Variants in IRAK1BP1 observed in about 807,000 individuals in gnomAD.
The protein encoded by IRAK1BP1 is interleukin-1 receptor-associated kinase 1-binding protein 1.
In IRAK1BP1, 24 loss-of-function variants were observed where a neutral mutation model predicts 28.0. The observed-to-expected ratio is 0.86, with a 90% CI of 0.62 to 1.20. IRAK1BP1 has a LOEUF of 1.20. Among genes scored for constraint, IRAK1BP1 ranks in the 50% most tolerant of loss-of-function variants. The pLI, the probability that IRAK1BP1 is intolerant of heterozygous loss-of-function variation, is 0.00. For synonymous variants in IRAK1BP1, 131 were observed against 116.3 expected (o/e 1.13, Z -0.81); for missense variants, 336 against 316.7 (o/e 1.06, Z -0.46).
rs967088400 is a variant in IRAK1BP1 at position 78,899,599 on chromosome 6, A to G, written c.*1265A>G. On this transcript the variant is annotated 3_prime_UTR_variant, in exon 4 of 4. Transcript: ENST00000369940. ...TGTTTTTTTATTTTTCTTTTTCGAGATGGAGTCTTTCTCTGTCGCCCAAGC... is the reference window on the plus strand; with the variant it reads ...TGTTTTTTTATTTTTCTTTTTCGAGGTGGAGTCTTTCTCTGTCGCCCAAGC... 2 of 151,972 alleles carry G rather than the reference A, an allele frequency of 1.3e-5. No homozygotes were observed. Among genetic ancestry groups the G allele is most frequent in the African/African-American group, 4.8e-5 (2 of 41,370 alleles). 9.4% of individuals were successfully genotyped at this position (151,972 alleles called of 1,614,324 possible).
chr6:78,933,349 G>T (rs1475719401), intron 4 of IRAK1BP1, among the ~76,000 whole-genome samples: 1 of 152,206 alleles, frequency 6.6e-6, no homozygotes, highest in East Asian at 1.9e-4. Context: ...CGGACGCGAT[G>T]GCTCACGCCT....
chr6:78,939,334 T>C (rs1478256892), intron 4 of IRAK1BP1: 1 of 151,708 alleles, frequency 6.6e-6, no homozygotes, highest in Non-Finnish European at 1.5e-5. Context: ...AGGGTGTATA[T>C]TGACATACCA....
At chr6:78,913,881 A>T (rs923435261) in intron 4 of IRAK1BP1, among the ~76,000 whole-genome samples, 2 of 152,238 alleles carry the variant, frequency 1.3e-5, no homozygotes, top group African/African-American at 4.8e-5. Flanking sequence ...AAGTGAACAG[A>T]TGATATACTG....
intron 1 of IRAK1BP1, among the ~76,000 whole-genome samples, chr6:78,874,569 A>G (rs1316901441): frequency 2.0e-5 from 3 of 152,112 alleles, no homozygotes; most frequent in East Asian, 1.9e-4. Context: ...TTCTCCCCTC[A>G]TTACTCTTCT....
the IRAK1BP1 span, among the ~76,000 whole-genome samples, chr6:78,969,011 T>C: frequency 4.7e-4 from 72 of 152,344 alleles, 1 homozygote; most frequent in Admixed American, 7.8e-4. Flanking sequence ...TCCTGTTTCC[T>C]GAGGGGATTC....
rs931281053 is a variant in IRAK1BP1, at chr6:78,902,836, C to T, written c.*4502C>T. 2 of 577,852 alleles carry T rather than the reference C, an allele frequency of 3.5e-6. No individual in the cohort carries two copies. The highest frequency in any genetic ancestry group is 6.1e-6 in the Non-Finnish European group (2 of 325,204). 35.8% of individuals were successfully genotyped at this position (577,852 alleles called of 1,614,324 possible). A position where few individuals can be genotyped will look rare whatever the true frequency, so the allele number is the denominator to read the frequency against. ...CATACATACATAAAATGCCCAGTAT[C>T]TTACAAGACTGTAGTTCACAGTGGG... On this transcript the variant is annotated 3_prime_UTR_variant, in exon 4 of 4. Transcript: ENST00000369940.
the IRAK1BP1 span, chr6:78,965,755 A>G: frequency 6.5e-7 from 1 of 1,549,368 alleles, no homozygotes; most frequent in South Asian, 1.1e-5. Context: ...CTGTATCTCC[A>G]TTGTCCCAGC....
At chr6:78,871,416 A>G in intron 1 of IRAK1BP1, 1 of 985,472 alleles carries the variant, frequency 1.0e-6, no homozygotes, top group South Asian at 4.7e-5. Context: ...GTGCAACCAA[A>G]AGACAGACAC....
At chr6:78,940,514 A>G (rs1582069934) in intron 4 of IRAK1BP1, 1 of 138,938 alleles carries the variant, frequency 7.2e-6, no homozygotes, top group African/African-American at 3.4e-5. Context: ...ATATATATAT[A>G]TTCATTTAAA....
exon 5 of IRAK1BP1, chr6:78,946,393 A>G: frequency 7.2e-7 from 1 of 1,394,052 alleles, no homozygotes. Context: ...AGTGGATTTC[A>G]TATGATTGTG....
At chr6:78,965,254 C>T in the IRAK1BP1 span, among the ~76,000 whole-genome samples, 3 of 152,012 alleles carry the variant, frequency 2.0e-5, no homozygotes, top group African/African-American at 4.8e-5. Context: ...TTTCTAAGGC[C>T]GAGTACTAAA....
intron 4 of IRAK1BP1, chr6:78,940,159 G>A (rs1773414881): frequency 2.0e-5 from 3 of 152,010 alleles, no homozygotes. Context: ...AAACTGTTTA[G>A]GGTATCAAAT....
chr6:78,964,709 T>A, the IRAK1BP1 span, among the ~76,000 whole-genome samples: 1 of 152,132 alleles, frequency 6.6e-6, no homozygotes, highest in Non-Finnish European at 1.5e-5. Flanking sequence ...GTCAGGCTGC[T>A]CTCCAACACC....
At chr6:78,938,562 C>G (rs1186320158) in intron 4 of IRAK1BP1, 1 of 151,534 alleles carries the variant, frequency 6.6e-6, no homozygotes, top group Non-Finnish European at 1.5e-5. Context: ...TGACAAATTT[C>G]AAACATACAC....
rs187917206 is a variant in IRAK1BP1 at position 78,887,126 on chromosome 6, A to C, written c.381+1683A>C. Among the ~76,000 whole-genome samples, 3 of 152,318 alleles carry C rather than the reference A, an allele frequency of 2.0e-5. No individual in the cohort carries two copies. The East Asian group carries it at 5.8e-4, about 29-fold the overall frequency. The stretch of plus-strand genomic sequence containing the variant: ...ATGTATAACACATACCAGTATTCTT[A>C]AGTACTGTTAAATATATGGAATGAG... On this transcript the variant is annotated intron_variant, in intron 2 of 3. Transcript: ENST00000369940.
At chr6:78,906,529 G>A (rs1772264697), downstream of IRAK1BP1, among the ~76,000 whole-genome samples, 1 of 152,130 alleles carries the variant, frequency 6.6e-6, no homozygotes. Flanking sequence ...TAAGTATAAT[G>A]TGTAAGTATT....
chr6:78,872,230 C>A, intron 1 of IRAK1BP1: 1 of 613,936 alleles, frequency 1.6e-6, no homozygotes, highest in Non-Finnish European at 2.9e-6. Flanking sequence ...CCTTTAGTGC[C>A]TTTCTTTCCT....
Position 78,921,326 on chromosome 6 carries a change from G to C in IRAK1BP1, c.*67+18216G>C, listed in dbSNP as rs138623984. Among the ~76,000 whole-genome samples the C allele has an allele frequency of 1.9e-3, 286 of 152,316 alleles. 10 individuals carry two copies. The East Asian group carries it at 0.042, about 22-fold the overall frequency. ...CAATGCTCATGAAGCCTCACTCATT[G>C]CTAGCAAAGCAGTCTGAGATCAAAC... On this transcript the variant is annotated intron_variant and NMD_transcript_variant, in intron 4 of 4. Transcript: ENST00000606868.
At chr6:78,875,578 C>A (rs1285987440) in intron 1 of IRAK1BP1, among the ~76,000 whole-genome samples, 1 of 152,126 alleles carries the variant, frequency 6.6e-6, no homozygotes, top group East Asian at 1.9e-4. Flanking sequence ...ATGTACTTTG[C>A]AGTAATATGG....
Sources: allele counts gnomAD v4.1 joint callset (sites outside exome capture counted in the v4.1 genomes callset), GRCh38; gene constraint gnomAD v4.1.1; transcripts MANE v1.5; gene names NCBI Gene and HGNC (gene_info 2026-07-23, HGNC 2026-07-21).